Variants in CHEK1 observed in about 807,000 individuals in gnomAD.
CHEK1 encodes checkpoint kinase 1.
In CHEK1, 32 loss-of-function variants were observed where a neutral mutation model predicts 60.2. The ratio of observed to expected loss-of-function variants is 0.53; its 90% CI spans 0.40 to 0.71. CHEK1 has a LOEUF of 0.71. Ranked by LOEUF, CHEK1 falls within the 30% of genes least tolerant of loss-of-function variation. The pLI is 0.00. For missense variants in CHEK1, 399 were observed against 564.6 expected (o/e 0.71, Z 2.97); for synonymous variants, 179 against 187.2 (o/e 0.96, Z 0.36).
At chr11:125,638,644 C>T (rs1941164349) in intron 8 of CHEK1, among the ~76,000 whole-genome samples, 1 of 152,176 alleles carries the variant, frequency 6.6e-6, no homozygotes, top group Non-Finnish European at 1.5e-5. Context: ...CCCATACCCT[C>T]ATGTCCTTTG....
intron 13 of CHEK1, among the ~76,000 whole-genome samples, chr11:125,670,652 T>C (rs1942185067): frequency 6.6e-6 from 1 of 152,182 alleles, no homozygotes; most frequent in Non-Finnish European, 1.5e-5. Context: ...CTGTCTTATT[T>C]TCAGGAGTAC....
rs776534844 is a variant in CHEK1, at chr11:125,655,211, T to C, written c.1336-14T>C. On this transcript the variant is annotated splice_polypyrimidine_tract_variant and intron_variant, in intron 12 of 12. Coordinates refer to ENST00000438015, the MANE Select transcript of CHEK1 (RefSeq NM_001114122.3). ...TTGTTTTGACATAATTTTTTAATACTATTTCTAATATAGGGTGATGGATTG... is the reference window on the plus strand; with the variant it reads ...TTGTTTTGACATAATTTTTTAATACCATTTCTAATATAGGGTGATGGATTG... The C allele has an allele frequency of 5.1e-6, 8 of 1,581,708 alleles. No homozygotes were observed. Among genetic ancestry groups the C allele is most frequent in the Non-Finnish European group, 6.0e-6 (7 of 1,159,560 alleles).
chr11:125,648,965 C>G (rs1182221569), intron 11 of CHEK1, among the ~76,000 whole-genome samples: 2 of 152,124 alleles, frequency 1.3e-5, no homozygotes, highest in African/African-American at 4.8e-5. Context: ...CAGGTGTACA[C>G]TATCATACCC....
rs898963338 is a variant in CHEK1, at chr11:125,625,630, C to G, written c.-403C>G. On this transcript the variant is annotated 5_prime_UTR_variant, in exon 1 of 13. Transcript: ENST00000438015. ...CGAAGCCCGCAGCCCCGCCTGGAAG[C>G]GCAGCGCGGTCGGTCGCGCGCCCCT... 1.8e-5 allele frequency: 11 copies of G among 596,208 alleles called. No individual in the cohort carries two copies. The highest frequency in any genetic ancestry group is 3.0e-5 in the Non-Finnish European group (10 of 333,724). 36.9% of individuals were successfully genotyped at this position (596,208 alleles called of 1,614,324 possible).
chr11:125,673,731 A>T (rs1218541237), intron 13 of CHEK1, among the ~76,000 whole-genome samples: 1 of 152,192 alleles, frequency 6.6e-6, no homozygotes, highest in Non-Finnish European at 1.5e-5. Flanking sequence ...AGTTTCCTTT[A>T]TATACTTCCT....
intron 13 of CHEK1, chr11:125,672,412 G>T: frequency 1.5e-6 from 1 of 687,244 alleles, no homozygotes; most frequent in Non-Finnish European, 2.4e-6. Flanking sequence ...AGACAGGACA[G>T]AGAAGAATGG....
intron 13 of CHEK1, among the ~76,000 whole-genome samples, chr11:125,666,091 G>T: frequency 6.7e-6 from 1 of 149,726 alleles, no homozygotes. Flanking sequence ...TGCATTTTTA[G>T]GTTGTTTATT....
downstream of CHEK1, chr11:125,680,676 G>A: frequency 1.3e-6 from 2 of 1,518,882 alleles, no homozygotes; most frequent in Non-Finnish European, 1.8e-6. Flanking sequence ...GGCCTGAAAT[G>A]TCTTAAGGGA....
At chr11:125,635,070 A>G (rs1208545279) in intron 6 of CHEK1, among the ~76,000 whole-genome samples, 1 of 151,510 alleles carries the variant, frequency 6.6e-6, no homozygotes, top group African/African-American at 2.4e-5. Context: ...TGATCCTCTC[A>G]CTTTAGCCTC....
At chr11:125,657,743 T>A (rs1941946107), downstream of CHEK1, among the ~76,000 whole-genome samples, 1 of 152,334 alleles carries the variant, frequency 6.6e-6, no homozygotes, top group East Asian at 1.9e-4. Context: ...TAATTGATAT[T>A]TGGATTGTGT....
chr11:125,629,393 T>G lies in CHEK1; in HGVS notation c.357T>G (p.Val119=). Residue 119 remains valine, a splice_region_variant and synonymous_variant, in exon 5 of 13, where the codon GTT becomes GTG. Coordinates refer to ENST00000438015, the MANE Select transcript of CHEK1 (RefSeq NM_001114122.3). ...GTTTCTCTCTGCATCCCTCTTAGGT[T>G]TATCTGCATGGTATTGGAATAACTC... The part of the protein sequence containing the change: ...RFFHQLMAGV[V]YLHGIGITHR... 13 of 1,613,832 alleles carry G rather than the reference T, an allele frequency of 8.1e-6. No individual in the cohort carries two copies. Among genetic ancestry groups the G allele is most frequent in the Non-Finnish European group, 1.1e-5 (13 of 1,179,804 alleles).
intron 12 of CHEK1, among the ~76,000 whole-genome samples, chr11:125,654,903 C>T (rs543542622): frequency 3.9e-5 from 6 of 152,128 alleles, no homozygotes; most frequent in Non-Finnish European, 7.4e-5. Context: ...TGTTAGTTTC[C>T]AAACCCTCAC....
intron 7 of CHEK1, 30 bp downstream of exon 7, chr11:125,635,563 C>A: frequency 7.1e-7 from 1 of 1,407,196 alleles, no homozygotes; most frequent in Non-Finnish European, 9.8e-7. Flanking sequence ...TGAAAGAGTA[C>A]CGATTTCTTG....
At chr11:125,660,808 T>C (rs1240434907), downstream of CHEK1, among the ~76,000 whole-genome samples, 6 of 151,766 alleles carry the variant, frequency 4.0e-5, no homozygotes, top group Non-Finnish European at 8.8e-5. Flanking sequence ...GGAGTTTCAC[T>C]CTTGTTGCCC....
intron 13 of CHEK1, among the ~76,000 whole-genome samples, chr11:125,669,098 G>T (rs1942150455): frequency 6.6e-6 from 1 of 151,800 alleles, no homozygotes. Flanking sequence ...CAGAAAAATA[G>T]TATGTATGTC....
chr11:125,642,330 T>TA (rs1486307628), intron 8 of CHEK1, among the ~76,000 whole-genome samples: 4 of 152,190 alleles, frequency 2.6e-5, no homozygotes, highest in Non-Finnish European at 5.9e-5. Flanking sequence ...TCAGTGTACT[T>TA]ACCACCATTT....
chr11:125,666,021 T>C (rs1216533822), intron 13 of CHEK1, among the ~76,000 whole-genome samples: 4 of 151,442 alleles, frequency 2.6e-5, no homozygotes, highest in African/African-American at 9.7e-5. Flanking sequence ...TCTTTGCTTC[T>C]ATTAACTTTG....
At chr11:125,652,429 T>C (rs1941771251) in intron 11 of CHEK1, among the ~76,000 whole-genome samples, 1 of 152,220 alleles carries the variant, frequency 6.6e-6, no homozygotes, top group Non-Finnish European at 1.5e-5. Flanking sequence ...AAGTCAGGCC[T>C]TTTTCTTTCT....
chr11:125,674,442 AGAAAACAT>A (rs539188791), intron 13 of CHEK1, among the ~76,000 whole-genome samples: 67 of 152,358 alleles, frequency 4.4e-4, no homozygotes, highest in African/African-American at 1.4e-3. Context: ...GCATAACTGG[AGAAAACAT>A]GAAAACATGA....
Sources: allele counts gnomAD v4.1 joint callset (sites outside exome capture counted in the v4.1 genomes callset), GRCh38; gene constraint gnomAD v4.1.1; transcripts MANE v1.5; gene names NCBI Gene and HGNC (gene_info 2026-07-23, HGNC 2026-07-21).